Variants in MX2 observed in about 807,000 individuals in gnomAD.
The protein encoded by MX2 is interferon-induced GTP-binding protein Mx2.
In MX2, 51 loss-of-function variants were observed where a neutral mutation model predicts 74.0. That is an observed-to-expected ratio of 0.69 (90% confidence interval 0.55 to 0.87). The LOEUF (loss-of-function observed/expected upper bound fraction) is 0.87. Ranked by LOEUF, MX2 falls within the 40% of genes least tolerant of loss-of-function variation. The pLI, the probability that MX2 is intolerant of heterozygous loss-of-function variation, is 0.00. For synonymous variants in MX2, 369 were observed against 339.3 expected (o/e 1.09, Z -0.96); for missense variants, 832 against 908.7 (o/e 0.92, Z 1.09).
intron 6 of MX2, among the ~76,000 whole-genome samples, chr21:41,393,110 C>CAAAAAAAAAA (rs373955778): frequency 2.6e-3 from 157 of 59,770 alleles, no homozygotes; most frequent in South Asian, 3.4e-3. Flanking sequence ...CTCAAAAAAG[C>CAAAAAAAAAA]AAAAAAAAAA....
In MX2 at chr21:41,388,937, G is replaced by T. The variant is rs917104849; in HGVS notation, c.733-1628G>T. ...TGGGTAAAGGCCACAGAGTCTGCTG[G>T]ACAGCTTACAATGCCTAGGATGGCC... On this transcript the variant is annotated intron_variant, in intron 5 of 13. Coordinates refer to ENST00000330714, the MANE Select transcript of MX2 (RefSeq NM_002463.2). The surrounding 1 kb of genome is among the most constrained non-coding windows in gnomAD (Gnocchi z 4.0). 6.6e-6 allele frequency among the ~76,000 whole-genome samples: 1 copy of T among 152,132 alleles called. No homozygotes were observed. The highest frequency in any genetic ancestry group is 2.4e-5 in the African/African-American group (1 of 41,414).
chr21:41,399,170 G>A (rs1393882887), intron 9 of MX2, 26 bp from the exon 10 acceptor site: 1 of 1,611,850 alleles, frequency 6.2e-7, no homozygotes, highest in Non-Finnish European at 8.5e-7. Flanking sequence ...TTTCCGCAAA[G>A]ACTATTGACT....
chr21:41,387,505 C>T (rs1036439328), intron 5 of MX2, among the ~76,000 whole-genome samples: 4 of 152,180 alleles, frequency 2.6e-5, no homozygotes, highest in African/African-American at 7.2e-5. Context: ...AAGTCTTCTT[C>T]GCTGGCATCT....
chr21:41,390,984 C>T (rs373773238), intron 6 of MX2, among the ~76,000 whole-genome samples: 38 of 148,788 alleles, frequency 2.6e-4, no homozygotes, highest in Admixed American at 2.3e-3. Flanking sequence ...CCAGCTTGGG[C>T]GACAGAGCAA....
chr21:41,382,192 G>A (rs536047912), intron 4 of MX2, among the ~76,000 whole-genome samples: 3 of 152,278 alleles, frequency 2.0e-5, no homozygotes, highest in East Asian at 1.9e-4. Flanking sequence ...TTTTCTTCTC[G>A]TCTTTTGGAA....
chr21:41,368,357 C>T lies in MX2; in HGVS notation c.-72+6302C>T, dbSNP rs1164607422. 1.3e-5 allele frequency among the ~76,000 whole-genome samples: 2 copies of T among 152,196 alleles called. No homozygotes were observed. The highest frequency in any genetic ancestry group is 2.9e-5 in the Non-Finnish European group (2 of 68,038). On this transcript the variant is annotated intron_variant, in intron 1 of 13. Transcript: ENST00000330714. This position sits in a 1 kb window ranked among gnomAD's most constrained non-coding sequence, Gnocchi z 4.6. Reference sequence around the variant, plus strand: ...ATTTCTGAAGATTGTGCAGGGGAGACAGATGGTTCACCAGGCACACACCAG... The same window carrying T: ...ATTTCTGAAGATTGTGCAGGGGAGATAGATGGTTCACCAGGCACACACCAG...
At chr21:41,367,506 T>C (rs9977147) in intron 1 of MX2, among the ~76,000 whole-genome samples, 9,133 of 152,252 alleles carry the variant, frequency 0.06, 353 homozygotes, top group South Asian at 0.13. Flanking sequence ...AACTGGAAGA[T>C]GCAAAGCAGC....
At chr21:41,389,157 G>A (rs2838033) in intron 5 of MX2, among the ~76,000 whole-genome samples, 20,605 of 151,668 alleles carry the variant, frequency 0.14, 1,959 homozygotes, top group East Asian at 0.31. Flanking sequence ...CAGAAGTATA[G>A]CATCTATTAT....
chr21:41,399,087 C>T (rs928923704), intron 9 of MX2, 68 bp downstream of exon 9: 3 of 1,595,262 alleles, frequency 1.9e-6, no homozygotes, highest in Non-Finnish European at 1.7e-6. Flanking sequence ...CTGCCCTTCC[C>T]CTTCTTCACC....
At chr21:41,403,724 G>A (rs1206083362) in intron 12 of MX2, 18 of 470,072 alleles carry the variant, frequency 3.8e-5, no homozygotes, top group African/African-American at 7.9e-5. Context: ...AGATGTTGCC[G>A]TAGCTCTGTG....
Position 41,386,437 on chromosome 21 carries a change from T to C in MX2, c.732+3873T>C, listed in dbSNP as rs573324611. 5.3e-5 allele frequency among the ~76,000 whole-genome samples: 8 copies of C among 152,208 alleles called. No homozygotes were observed. In the South Asian group the frequency reaches 1.5e-3, roughly 28 times the overall value. On this transcript the variant is annotated intron_variant, in intron 5 of 13. Transcript: ENST00000330714. ...TTTAGAGGAGCAATGAAAACTGTCATTGTGGCTGTGAGAGGCTGGGAGTGT... is the reference window on the plus strand; with the variant it reads ...TTTAGAGGAGCAATGAAAACTGTCACTGTGGCTGTGAGAGGCTGGGAGTGT...
rs1301397111 is a variant in MX2 at position 41,366,733 on chromosome 21, C to G, written c.-72+4678C>G. 1 of 152,380 alleles carries G rather than the reference C, an allele frequency of 6.6e-6. No individual in the cohort carries two copies. Among genetic ancestry groups the G allele is most frequent in the East Asian group, 1.9e-4 (1 of 5,184 alleles). 9.4% of individuals were successfully genotyped at this position (152,380 alleles called of 1,614,324 possible). Reference sequence around the variant, plus strand: ...GCACCCTGTGTTGTGCGTGGAGTCCCTTGTTTTCCTCTATCTTATCAGGAA... The same window carrying G: ...GCACCCTGTGTTGTGCGTGGAGTCCGTTGTTTTCCTCTATCTTATCAGGAA... On this transcript the variant is annotated intron_variant, in intron 1 of 13. Coordinates refer to ENST00000330714, the MANE Select transcript of MX2 (RefSeq NM_002463.2). The surrounding 1 kb of genome is among the most constrained non-coding windows in gnomAD (Gnocchi z 4.5).
chr21:41,403,707 G>C (rs934161893), intron 12 of MX2: 1 of 490,240 alleles, frequency 2.0e-6, no homozygotes, highest in Non-Finnish European at 4.2e-6. Flanking sequence ...TTGTATGTTT[G>C]ACTCAAAGAT....
At position 41,406,924 on chromosome 21, in the gene MX2, T is replaced by G; in HGVS notation, c.1831T>G (p.Ser611Ala). Residue 611 changes from serine (S) to alanine (A), a missense_variant, in exon 13 of 14, where the codon TCT becomes GCT. Coordinates refer to ENST00000330714, the MANE Select transcript of MX2 (RefSeq NM_002463.2). ...GTPSQNMKLN[S>A]HFPSNESSVS... Reference sequence around the variant, plus strand: ...GCCTTCACAGAATATGAAGTTGAACTCTCATTTTCCCAGTAATGAGTCTTC... The same window carrying G: ...GCCTTCACAGAATATGAAGTTGAACGCTCATTTTCCCAGTAATGAGTCTTC... The G allele has an allele frequency of 6.2e-7, 1 of 1,614,122 alleles. No individual in the cohort carries two copies.
At position 41,380,082 on chromosome 21, in the gene MX2, A is replaced by G; in HGVS notation, c.508A>G (p.Arg170Gly). 2 of 1,614,032 alleles carry G rather than the reference A, an allele frequency of 1.2e-6. No individual in the cohort carries two copies. Among genetic ancestry groups the G allele is most frequent in the Non-Finnish European group, 1.7e-6 (2 of 1,179,902 alleles). The change falls in exon 4 of 14, where the codon AGG becomes GGG. Residue 170 changes from arginine to glycine, a missense_variant. By Grantham distance (125) the Arg-to-Gly change is moderately radical. Coordinates refer to ENST00000330714, the MANE Select transcript of MX2 (RefSeq NM_002463.2). This position sits in a 1 kb window ranked among gnomAD's most constrained non-coding sequence, Gnocchi z 4.3. Reference protein sequence around the residue: ...KKQPCEAWAGRISYRNTELEL... With the variant: ...KKQPCEAWAGGISYRNTELEL... The stretch of plus-strand genomic sequence containing the variant: ...GCAGCCCTGTGAGGCATGGGCCGGA[A>G]GGATCAGCTACCGGAACACCGAGCT...
intron 10 of MX2, chr21:41,400,998 C>G (rs999321224): frequency 2.7e-4 from 41 of 152,282 alleles, no homozygotes; most frequent in African/African-American, 9.6e-4. Context: ...TGAGCCACTG[C>G]TCCCAGCCCC....
intron 2 of MX2, among the ~76,000 whole-genome samples, 189 bp downstream of exon 2, chr21:41,377,344 G>T (rs1450962849): frequency 1.3e-5 from 2 of 152,216 alleles, no homozygotes; most frequent in Non-Finnish European, 2.9e-5. Flanking sequence ...GCAACGGGCT[G>T]CTGCGACGTG....
Position 41,405,127 on chromosome 21 carries a change from G to A in MX2, c.1651-1617G>A, listed in dbSNP as rs569851376. On this transcript the variant is annotated intron_variant, in intron 12 of 13. Transcript: ENST00000330714. ...AGTTCGAGACCAGCCTGGCCAACCC[G>A]GTGAAACCCTTGTCTCTACTAAAAA... Among the ~76,000 whole-genome samples the A allele has an allele frequency of 5.7e-4, 87 of 152,024 alleles. 1 individual carries two copies. The highest frequency in any genetic ancestry group is 5.2e-3 in the South Asian group (25 of 4,818).
At chr21:41,375,035 C>T (rs925930555) in intron 1 of MX2, among the ~76,000 whole-genome samples, 3 of 152,336 alleles carry the variant, frequency 2.0e-5, no homozygotes, top group East Asian at 1.9e-4. Flanking sequence ...GAGCTCATTC[C>T]GACCTCAGGA....
Sources: gnomAD v4.1 joint callset for allele counts (sites outside exome capture counted in the v4.1 genomes callset) on GRCh38, gnomAD v4.1.1 for gene constraint, Gnocchi (gnomAD v3.1) non-coding constraint, MANE v1.5 for transcripts, NCBI Gene and HGNC (gene_info 2026-07-23, HGNC 2026-07-21) for gene names.